Variants in SEMA3A observed in about 807,000 individuals in gnomAD.
The protein encoded by SEMA3A is semaphorin-3A.
In SEMA3A, 29 loss-of-function variants were observed where a neutral mutation model predicts 97.9. The observed-to-expected ratio is 0.30, with a 90% CI of 0.22 to 0.40. The LOEUF is 0.40. SEMA3A is among the 10% of genes least tolerant of loss of function. The probability of loss-of-function intolerance (pLI) is 1.00; values close to 1 mark genes in which losing one functional copy is unlikely to be tolerated. For missense variants in SEMA3A, 763 were observed against 951.3 expected, an observed-to-expected ratio of 0.80 and a Z score of 2.60; for synonymous variants, 321 against 323.7, an observed-to-expected ratio of 0.99 and a Z score of 0.09.
At chr7:84,044,169 T>A (rs2115570547) in intron 6 of SEMA3A, among the ~76,000 whole-genome samples, 1 of 108,978 alleles carries the variant, frequency 9.2e-6, no homozygotes, top group African/African-American at 2.6e-5. Flanking sequence ...ATAGAAATGT[T>A]AAGAGAGTTT....
At chr7:84,457,335 GA>G (rs1360827985) in intron 1 of SEMA3A, among the ~76,000 whole-genome samples, 2 of 151,802 alleles carry the variant, frequency 1.3e-5, no homozygotes, top group Non-Finnish European at 2.9e-5. Context: ...GCTCTCTCAT[GA>G]GTAATCAAAA....
At chr7:84,195,024 A>AGAGAGAGAGAGAGAGAAAGAGAGAGAGAG (rs1798179833), upstream of SEMA3A, 1 of 140,566 alleles carries the variant, frequency 7.1e-6, no homozygotes, top group Non-Finnish European at 1.5e-5. Flanking sequence ...GAGAGAGAGA[A>AGAGAGAGAGAGAGAGAAAGAGAGAGAGAG]AGAGAGAGAG....
At chr7:84,210,059 GA>G (rs1187242981) in intron 3 of SEMA3A, among the ~76,000 whole-genome samples, 2 of 151,978 alleles carry the variant, frequency 1.3e-5, no homozygotes, top group East Asian at 3.8e-4. Flanking sequence ...TTCACATAGC[GA>G]AAGAAAACCA....
chr7:84,234,830 T>G (rs964472590), intron 3 of SEMA3A, among the ~76,000 whole-genome samples: 1 of 152,106 alleles, frequency 6.6e-6, no homozygotes, highest in Admixed American at 6.6e-5. Context: ...GTGTGCCATT[T>G]CAATTTTCAA....
intron 1 of SEMA3A, among the ~76,000 whole-genome samples, chr7:84,446,620 T>A (rs1440704447): frequency 1.3e-5 from 2 of 152,170 alleles, no homozygotes; most frequent in Non-Finnish European, 2.9e-5. Context: ...TACTTCATGA[T>A]AAAAACACTC....
intron 6 of SEMA3A, among the ~76,000 whole-genome samples, chr7:84,019,232 A>G (rs1791226522): frequency 1.3e-5 from 2 of 152,208 alleles, no homozygotes; most frequent in African/African-American, 4.8e-5. Flanking sequence ...CATTTGAGCG[A>G]TGGAAGGAAG....
intron 1 of SEMA3A, among the ~76,000 whole-genome samples, chr7:84,402,346 C>T (rs979143865): frequency 6.6e-6 from 1 of 152,118 alleles, no homozygotes; most frequent in African/African-American, 2.4e-5. Context: ...AACATAACAA[C>T]TGCTGGCAAC....
At chr7:84,084,778 T>C (rs183617287) in intron 4 of SEMA3A, among the ~76,000 whole-genome samples, 81 of 152,236 alleles carry the variant, frequency 5.3e-4, no homozygotes, top group African/African-American at 1.7e-3. Context: ...GAGCTTCTTA[T>C]TTTGTGGTTT....
Position 83,963,275 on chromosome 7 carries a change from C to T in SEMA3A, c.1790G>A (p.Cys597Tyr). Residue 597 changes from cysteine to tyrosine, a missense_variant, in exon 16 of 17, where the codon TGC (cysteine) becomes TAC (tyrosine). Cys to Tyr is a radical substitution (Grantham distance 194). Transcript: ENST00000265362. ...GVENSSTFLE[C>Y]SPKSQRALVY... is the part of the protein sequence containing the mutation. ...CAGCGCTCTCTGCGACTTCGGACTGCATTCCAAAAATGTGCTACTATTCTC... is the reference window on the plus strand; with the variant it reads ...CAGCGCTCTCTGCGACTTCGGACTGTATTCCAAAAATGTGCTACTATTCTC... 1 of 1,613,814 alleles carries T rather than the reference C, an allele frequency of 6.2e-7. No individual in the cohort carries two copies.
At chr7:84,062,970 A>C (rs1474422447) in intron 4 of SEMA3A, among the ~76,000 whole-genome samples, 4 of 151,960 alleles carry the variant, frequency 2.6e-5, no homozygotes, top group Admixed American at 1.3e-4. Flanking sequence ...GGGGCAGGGC[A>C]CAGACAAACA....
intron 3 of SEMA3A, among the ~76,000 whole-genome samples, chr7:84,294,660 T>C (rs1488567420): frequency 1.3e-5 from 2 of 152,056 alleles, no homozygotes; most frequent in South Asian, 4.1e-4. Context: ...ACTCCTCTTT[T>C]ACTCCAATAA....
At chr7:84,262,154 T>C (rs1296317812) in intron 3 of SEMA3A, among the ~76,000 whole-genome samples, 5 of 152,154 alleles carry the variant, frequency 3.3e-5, no homozygotes, top group African/African-American at 1.2e-4. Context: ...ATAGCAGGTA[T>C]ACTTTTAACT....
intron 1 of SEMA3A, among the ~76,000 whole-genome samples, chr7:84,420,178 T>C (rs1424258985): frequency 1.3e-5 from 2 of 149,612 alleles, no homozygotes; most frequent in Non-Finnish European, 3.0e-5. Flanking sequence ...AAACTATGTC[T>C]CATTCACAGG....
At chr7:84,068,691 C>A (rs1019694081) in intron 4 of SEMA3A, among the ~76,000 whole-genome samples, 14 of 152,152 alleles carry the variant, frequency 9.2e-5, no homozygotes, top group African/African-American at 2.9e-4. Context: ...GCATAAGATA[C>A]TTTATGTCTG....
chr7:83,976,397 C>T (rs1789150144), intron 15 of SEMA3A, among the ~76,000 whole-genome samples: 1 of 152,008 alleles, frequency 6.6e-6, no homozygotes, highest in Admixed American at 6.6e-5. Flanking sequence ...TGTTCATTAG[C>T]AGTATTGTCA....
At chr7:84,323,575 A>T (rs1196640811) in intron 2 of SEMA3A, among the ~76,000 whole-genome samples, 1 of 152,142 alleles carries the variant, frequency 6.6e-6, no homozygotes, top group Non-Finnish European at 1.5e-5. Context: ...TTTGAGTGGA[A>T]ACATAGGGAA....
In SEMA3A at chr7:84,316,073, C is replaced by T. The variant is rs112080007; in HGVS notation, c.-168-8781G>A. Among the ~76,000 whole-genome samples the T allele has an allele frequency of 4.0e-5, 5 of 126,176 alleles. 1 individual carries two copies. The highest frequency in any genetic ancestry group is 1.5e-4 in the African/African-American group (5 of 32,546). 82.8% of individuals were successfully genotyped at this position (126,176 alleles called of 152,430 possible). A position where few individuals can be genotyped will look rare whatever the true frequency, so the allele number is the denominator to read the frequency against. On this transcript the variant is annotated intron_variant, in intron 2 of 3. Coordinates refer to the SEMA3A transcript ENST00000424555. ...TCACGAAGTTGAGGCAGGAGGATTT[C>T]TGGTGCCCAGAAGTTCACTTGAAGG...
intron 4 of SEMA3A, among the ~76,000 whole-genome samples, chr7:84,080,503 A>G (rs979727186): frequency 4.6e-5 from 7 of 151,810 alleles, no homozygotes; most frequent in Non-Finnish European, 1.0e-4. Context: ...AATTATTTTG[A>G]GTAGTTGCAA....
intron 12 of SEMA3A, among the ~76,000 whole-genome samples, chr7:83,991,803 T>A (rs1341459252): frequency 7.3e-6 from 1 of 137,086 alleles, no homozygotes; most frequent in South Asian, 2.6e-4. Flanking sequence ...TGTCTCTGCC[T>A]GGCTTTGGTA....
Sources: gnomAD v4.1 joint callset for allele counts (sites outside exome capture counted in the v4.1 genomes callset) on GRCh38, gnomAD v4.1.1 for gene constraint, MANE v1.5 for transcripts, NCBI Gene and HGNC (gene_info 2026-07-23, HGNC 2026-07-21) for gene names.